Variants in ZNF626 observed in about 807,000 individuals in gnomAD.
The protein encoded by ZNF626 is zinc finger protein 626.
In ZNF626, 4 loss-of-function variants were observed where a neutral mutation model predicts 11.7. The ratio of observed to expected loss-of-function variants is 0.34; its 90% CI spans 0.17 to 0.78. The LOEUF is 0.78. ZNF626 is among the 30% of genes least tolerant of loss of function. The pLI is 0.57. For synonymous variants in ZNF626, 179 were observed against 198.6 expected (o/e 0.90, Z 0.83); for missense variants, 588 against 587.1 (o/e 1.00, Z -0.01).
In ZNF626 at chr19:20,625,634, A is replaced by C. The variant is rs1969821052; in HGVS notation, c.243T>G (p.Phe81Leu). 6.5e-6 allele frequency: 10 copies of C among 1,544,824 alleles called. No individual in the cohort carries two copies. Among genetic ancestry groups the C allele is most frequent in the Non-Finnish European group, 8.7e-6 (10 of 1,150,666 alleles). Residue 81 changes from phenylalanine (F) to leucine (L), a missense_variant, in exon 4 of 4, where the codon TTT becomes TTG. Physicochemically the swap from Phe to Leu is conservative, Grantham distance 22 (BLOSUM62 0). Around this residue, in one of 4 missense-constraint regions of ZNF626, gnomAD observed 524 missense variants for 470.1 expected, o/e 1.11. Transcript: ENST00000601440. ...TCTGCTCTGGCCAAAGGTCTTGGGC[A>C]AAATGAGAACACATTACTGAAAGAA... ...IAKPSVMCSH[F>L]AQDLWPEQSM...
At chr19:20,625,844 T>TA (rs1969824587) in intron 3 of ZNF626, among the ~76,000 whole-genome samples, 194 bp from the exon 4 acceptor site, 2 of 53,086 alleles carry the variant, frequency 3.8e-5, no homozygotes, top group Non-Finnish European at 1.2e-4. Context: ...GTAAAAAACT[T>TA]ATAATAAGTT....
intron 3 of ZNF626, among the ~76,000 whole-genome samples, chr19:20,640,239 T>A (rs1235889012): frequency 6.2e-5 from 3 of 48,268 alleles, no homozygotes; most frequent in Non-Finnish European, 1.0e-4. Context: ...ATAATTAAAT[T>A]ATTAATTTTA....
chr19:20,629,732 A>G (rs1450838164), intron 3 of ZNF626, among the ~76,000 whole-genome samples: 1 of 152,164 alleles, frequency 6.6e-6, no homozygotes, highest in Non-Finnish European at 1.5e-5. Flanking sequence ...AAACAGGGAC[A>G]ATTTGACTTC....
At chr19:20,629,631 A>G (rs1281541304) in intron 3 of ZNF626, among the ~76,000 whole-genome samples, 1 of 152,212 alleles carries the variant, frequency 6.6e-6, no homozygotes, top group Non-Finnish European at 1.5e-5. Flanking sequence ...TTGATTTTGT[A>G]TCCTGAGACT....
In ZNF626 at chr19:20,624,253, C is replaced by T. The variant is rs185031680; in HGVS notation, c.*37G>A. 31 of 1,613,180 alleles carry T rather than the reference C, an allele frequency of 1.9e-5. No homozygotes were observed. In the Admixed American group the frequency reaches 2.2e-4, roughly 11 times the overall value. ...AGAGAAATGCTTAAAAGCTTTGTCA[C>T]ATTCTTCACATTTGTAGAATTTCTC... On this transcript the variant is annotated 3_prime_UTR_variant, in exon 4 of 4. Transcript: ENST00000601440.
chr19:20,646,363 C>T lies in ZNF626; in HGVS notation c.46G>A (p.Glu16Lys), dbSNP rs1970078072. 1 of 1,613,958 alleles carries T rather than the reference C, an allele frequency of 6.2e-7. No individual in the cohort carries two copies. Among genetic ancestry groups the T allele is most frequent in the Admixed American group, 1.7e-5 (1 of 59,986 alleles). Residue 16 changes from glutamate (E) to lysine (K), a missense_variant, in exon 2 of 4, where the codon GAG (glutamate) becomes AAG (lysine). Around this residue, in one of 4 missense-constraint regions of ZNF626, gnomAD observed 524 missense variants for 470.1 expected, o/e 1.11. Coordinates refer to ENST00000601440, the MANE Select transcript of ZNF626 (RefSeq NM_001076675.3). ...GCAGTGTCCAGGCAATGCCACTCCT[C>T]CAGAGAGAATTCTATGGCCACATCT... is the stretch of plus-strand genomic sequence containing the variant. The part of the protein sequence containing the change: ...FRDVAIEFSL[E>K]EWHCLDTAQR...
At chr19:20,629,960 C>A (rs1969884406) in intron 3 of ZNF626, among the ~76,000 whole-genome samples, 1 of 152,086 alleles carries the variant, frequency 6.6e-6, no homozygotes, top group Non-Finnish European at 1.5e-5. Flanking sequence ...CCCATCAATA[C>A]CTAATTTATT....
intron 3 of ZNF626, among the ~76,000 whole-genome samples, chr19:20,638,929 T>C (rs375883609): frequency 1.3e-4 from 20 of 152,278 alleles, no homozygotes; most frequent in East Asian, 9.6e-4. Flanking sequence ...TTATTTATTT[T>C]GCAAATAGAG....
chr19:20,629,275 G>C (rs1489276626), intron 3 of ZNF626, among the ~76,000 whole-genome samples: 6 of 145,790 alleles, frequency 4.1e-5, no homozygotes, highest in African/African-American at 1.6e-4. Flanking sequence ...GGCTCTTTTT[G>C]GTTTCATATG....
intron 3 of ZNF626, among the ~76,000 whole-genome samples, chr19:20,642,558 T>C (rs2144781033): frequency 6.6e-6 from 1 of 152,194 alleles, no homozygotes; most frequent in African/African-American, 2.4e-5. Context: ...ATCGCGCCAG[T>C]GCACTTTAGC....
chr19:20,661,507 G>T lies in ZNF626; in HGVS notation c.-61C>A. On this transcript the variant is annotated 5_prime_UTR_variant, in exon 1 of 4. Coordinates refer to ENST00000601440, the MANE Select transcript of ZNF626 (RefSeq NM_001076675.3). ...GGATCTCCCAATACCTGCAGGACAC[G>T]GGGCCACACAGCCTGGGCCTTTAGG... 1 of 1,598,194 alleles carries T rather than the reference G, an allele frequency of 6.3e-7. No individual in the cohort carries two copies. The highest frequency in any genetic ancestry group is 1.4e-5 in the African/African-American group (1 of 72,442).
chr19:20,650,469 T>C (rs1045205295), intron 1 of ZNF626, among the ~76,000 whole-genome samples: 2 of 152,150 alleles, frequency 1.3e-5, no homozygotes. Flanking sequence ...TAAGACCCTA[T>C]AACACATAAT....
Position 20,622,671 on chromosome 19 carries a change from G to A in ZNF626, c.*1619C>T, listed in dbSNP as rs1273656408. ...AAGCTTCAAAAAATCTCCTTTTAAA[G>A]TTATATACTAATTTATACAAACTTA... On this transcript the variant is annotated 3_prime_UTR_variant, in exon 4 of 4. Transcript: ENST00000601440. 2 of 152,036 alleles carry A rather than the reference G, an allele frequency of 1.3e-5. No individual in the cohort carries two copies. Among genetic ancestry groups the A allele is most frequent in the Non-Finnish European group, 2.9e-5 (2 of 67,990 alleles). The allele number at this position is 152,036 out of a possible 1,614,324, so 9.4% of individuals were successfully genotyped here.
At chr19:20,653,203 T>A (rs1288103910) in intron 1 of ZNF626, among the ~76,000 whole-genome samples, 1 of 152,188 alleles carries the variant, frequency 6.6e-6, no homozygotes, top group African/African-American at 2.4e-5. Context: ...TTATATCATG[T>A]CTGGTAATTC....
intron 1 of ZNF626, among the ~76,000 whole-genome samples, chr19:20,660,951 T>A (rs1229993133): frequency 6.6e-6 from 1 of 151,760 alleles, no homozygotes; most frequent in Non-Finnish European, 1.5e-5. Context: ...AAAAGGAACT[T>A]AGTTGTCCTA....
At chr19:20,632,382 C>T (rs1275280673) in intron 3 of ZNF626, among the ~76,000 whole-genome samples, 10 of 152,180 alleles carry the variant, frequency 6.6e-5, no homozygotes, top group African/African-American at 2.4e-4. Context: ...CTGCAGAATG[C>T]TTTCCAACTT....
intron 3 of ZNF626, among the ~76,000 whole-genome samples, chr19:20,643,420 A>G (rs1555771649): frequency 6.6e-6 from 1 of 152,148 alleles, no homozygotes; most frequent in African/African-American, 2.4e-5. Flanking sequence ...CCATAATTTT[A>G]TAACTACTTA....
intron 1 of ZNF626, among the ~76,000 whole-genome samples, chr19:20,656,087 G>A (rs67137553): frequency 0.13 from 19,844 of 152,032 alleles, 1,635 homozygotes; most frequent in African/African-American, 0.23. Context: ...TATGAAATCC[G>A]TAAGTGCACA....
intron 1 of ZNF626, among the ~76,000 whole-genome samples, chr19:20,650,909 C>T (rs1970139129): frequency 6.6e-6 from 1 of 152,122 alleles, no homozygotes; most frequent in Non-Finnish European, 1.5e-5. Flanking sequence ...AGAAATACGG[C>T]TGGGCCTGGT....
Sources: gnomAD v4.1 joint callset for allele counts (sites outside exome capture counted in the v4.1 genomes callset) on GRCh38, gnomAD v4.1.1 for gene constraint, gnomAD v4.1.1 regional missense constraint, MANE v1.5 for transcripts, NCBI Gene and HGNC (gene_info 2026-07-23, HGNC 2026-07-21) for gene names.